The following ABCC5 variants were observed in gnomAD, a reference collection of about 807,000 sequenced individuals.
The protein encoded by ABCC5 is ATP-binding cassette sub-family C member 5.
In ABCC5, 61 loss-of-function variants were observed where a neutral mutation model predicts 160.9. The ratio of observed to expected loss-of-function variants is 0.38; its 90% CI spans 0.31 to 0.47. The LOEUF (loss-of-function observed/expected upper bound fraction) is 0.47, where lower values mean the gene tolerates loss of function less well. Among genes scored for constraint, ABCC5 ranks in the 20% least tolerant of loss-of-function variants. ABCC5 has a pLI of 0.99. For synonymous variants in ABCC5, 666 were observed against 700.6 expected, an observed-to-expected ratio of 0.95 and a Z score of 0.78; for missense variants, 1,308 against 1,813.3, an observed-to-expected ratio of 0.72 and a Z score of 5.06.
chr3:183,947,649 C>G, intron 22 of ABCC5, 139 bp from the exon 23 acceptor site: 1 of 691,480 alleles, frequency 1.4e-6, no homozygotes, highest in Non-Finnish European at 2.3e-6. Flanking sequence ...CCTGGAAACT[C>G]CAGGAGGGTA....
chr3:183,981,920 T>C (rs1718780141), intron 7 of ABCC5, 46 bp from the exon 8 acceptor site: 1 of 1,567,530 alleles, frequency 6.4e-7, no homozygotes, highest in Non-Finnish European at 8.6e-7. Flanking sequence ...TCATTCAAAC[T>C]TGAGAACTAC....
intron 15 of ABCC5, among the ~76,000 whole-genome samples, chr3:183,961,968 G>A (rs1716785505): frequency 6.6e-6 from 1 of 152,116 alleles, no homozygotes; most frequent in East Asian, 1.9e-4. Context: ...TTTTAGTAGA[G>A]ACGGGGTTTT....
chr3:183,985,184 T>C lies in ABCC5; in HGVS notation c.592-2177A>G, dbSNP rs992762258. ...TTTCATGAAAAATCCAACCAAAATT[T>C]AGTTTTTAAAAAGTTACAAATGTAT... On this transcript the variant is annotated intron_variant, in intron 5 of 29. Transcript: ENST00000334444. 3 of 962,730 alleles carry C rather than the reference T, an allele frequency of 3.1e-6. No individual in the cohort carries two copies. The Admixed American group carries it at 6.9e-5, about 22-fold the overall frequency. The allele number at this position is 962,730 out of a possible 1,614,324, so 59.6% of individuals were successfully genotyped here.
chr3:183,950,062 C>G lies in ABCC5; in HGVS notation c.3008G>C (p.Cys1003Ser). 6.2e-7 allele frequency: 1 copy of G among 1,614,100 alleles called. No homozygotes were observed. The highest frequency in any genetic ancestry group is 8.5e-7 in the Non-Finnish European group (1 of 1,180,026). ...FIQNVILVFF[C>S]VGMIAGVFPW... is the part of the protein sequence containing the mutation. ...GAAGACTCCTGCGATCATTCCCACA[C>G]AGAAGAACACCAGGATAACGTTCTG... Residue 1003 changes from cysteine to serine, a missense_variant, in exon 21 of 30, where the codon TGT (cysteine) becomes TCT (serine). This residue lies in a region of ABCC5 where 1,142 missense variants were observed against 1,527.1 expected (regional missense o/e 0.75). Coordinates refer to ENST00000334444, the MANE Select transcript of ABCC5 (RefSeq NM_005688.4).
At chr3:184,010,147 G>A (rs1214942034) in intron 2 of ABCC5, among the ~76,000 whole-genome samples, 1 of 151,710 alleles carries the variant, frequency 6.6e-6, no homozygotes, top group Non-Finnish European at 1.5e-5. Flanking sequence ...CAGCAGGTAG[G>A]CACCTGCTGT....
At chr3:183,935,111 T>A (rs1415346049) in intron 26 of ABCC5, among the ~76,000 whole-genome samples, 1 of 151,948 alleles carries the variant, frequency 6.6e-6, no homozygotes, top group Admixed American at 6.6e-5. Context: ...ACTCCTGACC[T>A]CAGGTGATCC....
chr3:183,929,741 A>C (rs150773259), intron 26 of ABCC5, among the ~76,000 whole-genome samples: 110 of 152,214 alleles, frequency 7.2e-4, no homozygotes, highest in African/African-American at 2.6e-3. Context: ...AAAGAACGAG[A>C]CTAGAAATTT....
Position 183,989,280 on chromosome 3 carries a change from T to C in ABCC5, c.233A>G (p.Lys78Arg), listed in dbSNP as rs758088700. ...ACTCAAGCCATGATGGTACTTTCCC[T>C]TGGGATGCTCCTCATCCAGGATTCT... Reference protein sequence around the residue: ...QLRILDEEHPKGKYHHGLSAL... With the variant: ...QLRILDEEHPRGKYHHGLSAL... The change falls in exon 3 of 30, where the codon AAG (lysine) becomes AGG (arginine). Residue 78 changes from lysine to arginine, a missense_variant. Lys to Arg is a conservative substitution (Grantham distance 26, BLOSUM62 2). Coordinates refer to ENST00000334444, the MANE Select transcript of ABCC5 (RefSeq NM_005688.4). 6 of 1,613,840 alleles carry C rather than the reference T, an allele frequency of 3.7e-6. No homozygotes were observed. Among genetic ancestry groups the C allele is most frequent in the South Asian group, 3.3e-5 (3 of 91,080 alleles).
chr3:184,010,874 T>C (rs550358781), intron 2 of ABCC5, among the ~76,000 whole-genome samples: 1 of 149,078 alleles, frequency 6.7e-6, no homozygotes, highest in East Asian at 2.0e-4. Flanking sequence ...CTTGGTTCAC[T>C]GCAACTTCCG....
In ABCC5 at chr3:183,957,886, ATATCACATCGGTTACATGCGGATCCG is replaced by A. The variant is rs1716325238; in HGVS notation, c.2482+1821_2482+1846del. On this transcript the variant is annotated intron_variant, in intron 17 of 29. Transcript: ENST00000334444. Reference sequence around the variant, plus strand: ...ATCTGTTACATGCGGATCCGTGTGTATATCACATCGGTTACATGCGGATCCGTGTGTATATCACATCGGTTACATGC... The same window carrying A: ...ATCTGTTACATGCGGATCCGTGTGTATGTGTATATCACATCGGTTACATGC... 1.3e-4 allele frequency among the ~76,000 whole-genome samples: 15 copies of A among 119,696 alleles called. No homozygotes were observed. The East Asian group carries it at 2.1e-3, about 16-fold the overall frequency. 78.5% of individuals were successfully genotyped at this position (119,696 alleles called of 152,430 possible).
chr3:183,980,089 G>A (rs1718579014), intron 8 of ABCC5, among the ~76,000 whole-genome samples: 1 of 152,164 alleles, frequency 6.6e-6, no homozygotes, highest in South Asian at 2.1e-4. Flanking sequence ...TGGCCAGGCT[G>A]CTCTTGAACT....
rs1323061134 is a variant in ABCC5, at chr3:183,943,764, G to C, written c.3505-848C>G. On this transcript the variant is annotated intron_variant, in intron 24 of 29. Coordinates refer to ENST00000334444, the MANE Select transcript of ABCC5 (RefSeq NM_005688.4). ...TCTGAAATGTGACCGGTTTCAGCAGGGTCCACTTTGTACCACCACTGACCG... is the reference window on the plus strand; with the variant it reads ...TCTGAAATGTGACCGGTTTCAGCAGCGTCCACTTTGTACCACCACTGACCG... Among the ~76,000 whole-genome samples the C allele has an allele frequency of 3.3e-5, 5 of 152,032 alleles. No individual in the cohort carries two copies. In the East Asian group the frequency reaches 7.7e-4, roughly 23 times the overall value.
chr3:183,930,151 T>A (rs1346884869), intron 26 of ABCC5, among the ~76,000 whole-genome samples: 1 of 152,230 alleles, frequency 6.6e-6, no homozygotes, highest in Non-Finnish European at 1.5e-5. Context: ...GGGAGAAACA[T>A]GGACTTTTAC....
chr3:183,970,132 C>G (rs958776610), intron 11 of ABCC5, among the ~76,000 whole-genome samples: 3 of 152,214 alleles, frequency 2.0e-5, no homozygotes, highest in Non-Finnish European at 4.4e-5. Flanking sequence ...CCTCTTCCCA[C>G]TTGGAGTAAA....
chr3:183,985,753 C>T (rs6795595), intron 5 of ABCC5: 13,788 of 313,252 alleles, frequency 0.044, 1,846 homozygotes, highest in African/African-American at 0.28. Context: ...ATTAACATTA[C>T]TATGACCCCC....
chr3:183,977,074 T>G (rs893615171), intron 10 of ABCC5, among the ~76,000 whole-genome samples: 8 of 152,152 alleles, frequency 5.3e-5, no homozygotes, highest in African/African-American at 1.9e-4. Flanking sequence ...GCATCGTGAG[T>G]AGCACCACAG....
chr3:183,924,522 C>T (rs1435921384), intron 29 of ABCC5, among the ~76,000 whole-genome samples: 1 of 152,178 alleles, frequency 6.6e-6, no homozygotes, highest in African/African-American at 2.4e-5. Flanking sequence ...GGAGCTTCTA[C>T]AATAGAAGAC....
chr3:183,983,380 T>G, intron 5 of ABCC5: 1 of 252,100 alleles, frequency 4.0e-6, no homozygotes, highest in Non-Finnish European at 7.8e-6. Flanking sequence ...ATTAAGACCT[T>G]TTTTTTGGAT....
chr3:183,936,103 T>A (rs1034414942), intron 26 of ABCC5, among the ~76,000 whole-genome samples: 1 of 152,064 alleles, frequency 6.6e-6, no homozygotes. Flanking sequence ...GATGAGATCA[T>A]GAGGGTGGGG....
Sources: gnomAD v4.1 joint callset for allele counts (sites outside exome capture counted in the v4.1 genomes callset) on GRCh38, gnomAD v4.1.1 for gene constraint, gnomAD v4.1.1 regional missense constraint, MANE v1.5 for transcripts, NCBI Gene and HGNC (gene_info 2026-07-23, HGNC 2026-07-21) for gene names.